Variants in SOD2 observed in about 807,000 individuals in gnomAD.
SOD2 encodes the protein superoxide dismutase 2.
In SOD2, 11 loss-of-function variants were observed where a neutral mutation model predicts 27.0. The observed-to-expected ratio is 0.41, with a 90% CI of 0.26 to 0.67. The LOEUF (loss-of-function observed/expected upper bound fraction) is 0.67. SOD2 is among the 30% of genes least tolerant of loss of function. The pLI, the probability that SOD2 is intolerant of heterozygous loss-of-function variation, is 0.34. For synonymous variants in SOD2, 105 were observed against 103.0 expected, an observed-to-expected ratio of 1.02 and a Z score of -0.12; for missense variants, 250 against 274.5, an observed-to-expected ratio of 0.91 and a Z score of 0.63.
chr6:159,688,062 T>C, intron 3 of SOD2, 64 bp downstream of exon 3: 1 of 917,246 alleles, frequency 1.1e-6, no homozygotes, highest in South Asian at 1.4e-5. Flanking sequence ...GTAACTTCAG[T>C]AAATCAACAA....
chr6:159,719,209 T>C (rs377745821), intron 1 of SOD2, among the ~76,000 whole-genome samples: 1 of 152,042 alleles, frequency 6.6e-6, no homozygotes, highest in South Asian at 2.1e-4. Flanking sequence ...GAGCTCTCTT[T>C]TCCTGTTTTC....
At chr6:159,693,292 G>T, upstream of SOD2, 1 of 756,212 alleles carries the variant, frequency 1.3e-6, no homozygotes, top group Non-Finnish European at 2.0e-6. Flanking sequence ...GAGCAGGGCC[G>T]CGACCCCAGC....
rs537957241 is a variant in SOD2, at chr6:159,679,470, C to T, written c.*3023G>A. Reference sequence around the variant, plus strand: ...TGGTTTGGTATTACTTTTTTAAAGGCGCTCAATAGAAATTCAAATCTCACT... The same window carrying T: ...TGGTTTGGTATTACTTTTTTAAAGGTGCTCAATAGAAATTCAAATCTCACT... On this transcript the variant is annotated 3_prime_UTR_variant, in exon 5 of 5. Coordinates refer to ENST00000538183, the MANE Select transcript of SOD2 (RefSeq NM_000636.4). 5 of 152,144 alleles carry T rather than the reference C, an allele frequency of 3.3e-5. No individual in the cohort carries two copies. In the East Asian group the frequency reaches 7.7e-4, roughly 23 times the overall value. The allele number at this position is 152,144 out of a possible 1,614,324, so 9.4% of individuals were successfully genotyped here. A position where few individuals can be genotyped will look rare whatever the true frequency, so the allele number is the denominator to read the frequency against.
At chr6:159,753,151 G>A (rs888710503) in intron 1 of SOD2, among the ~76,000 whole-genome samples, 3 of 152,068 alleles carry the variant, frequency 2.0e-5, no homozygotes, top group Non-Finnish European at 4.4e-5. Context: ...TAATTAACTG[G>A]CTCTGTTTCC....
intron 1 of SOD2, chr6:159,726,433 A>C: frequency 5.7e-6 from 1 of 175,036 alleles, no homozygotes; most frequent in South Asian, 9.0e-5. Context: ...TATCCTAATA[A>C]ATCACCTTAC....
At position 159,727,291 on chromosome 6, in the gene SOD2, G is replaced by C. The variant is rs1039645327; in HGVS notation, c.-278C>G. On this transcript the variant is annotated 5_prime_UTR_variant, in exon 1 of 3. Coordinates refer to the SOD2 transcript ENST00000401980. ...CTTTCCTCTCCTGGCGGGGTTCGGC[G>C]GCGGGCGAGTGACTGCGGCCACGCC... 9 of 1,282,380 alleles carry C rather than the reference G, an allele frequency of 7.0e-6. No individual in the cohort carries two copies. The East Asian group carries it at 4.7e-4, about 66-fold the overall frequency. The allele number at this position is 1,282,380 out of a possible 1,614,324, so 79.4% of individuals were successfully genotyped here. A position where few individuals can be genotyped will look rare whatever the true frequency, so the allele number is the denominator to read the frequency against.
chr6:159,695,391 A>G (rs889292043), upstream of SOD2, among the ~76,000 whole-genome samples: 4 of 152,202 alleles, frequency 2.6e-5, no homozygotes, highest in Non-Finnish European at 4.4e-5. Context: ...AGAATCTCCA[A>G]CATCACACCT....
chr6:159,736,364 A>G, intron 1 of SOD2: 3 of 1,240,640 alleles, frequency 2.4e-6, no homozygotes, highest in Admixed American at 4.0e-5. Flanking sequence ...AAGCACTTTA[A>G]AAAAAAATAG....
upstream of SOD2, among the ~76,000 whole-genome samples, chr6:159,693,581 C>T (rs1015617506): frequency 1.3e-5 from 2 of 152,344 alleles, no homozygotes; most frequent in Middle Eastern, 6.8e-3. Flanking sequence ...CCGGCTCCGC[C>T]CCTGAGGGTG....
intron 1 of SOD2, among the ~76,000 whole-genome samples, chr6:159,702,676 A>AAAAAAAAG (rs1554260556): frequency 2.1e-5 from 3 of 143,112 alleles, no homozygotes; most frequent in East Asian, 2.1e-4. Context: ...AAAAAAAAAA[A>AAAAAAAAG]AAAGAAAGAA....
chr6:159,693,230 A>G lies in SOD2; in HGVS notation c.-63T>C. The G allele has an allele frequency of 6.9e-7, 1 of 1,458,642 alleles. No individual in the cohort carries two copies. The highest frequency in any genetic ancestry group is 2.8e-5 in the East Asian group (1 of 35,178). The allele number at this position is 1,458,642 out of a possible 1,614,324, so 90.4% of individuals were successfully genotyped here. A position where few individuals can be genotyped will look rare whatever the true frequency, so the allele number is the denominator to read the frequency against. ...TGCTGAAGCCGCTGCCGAAGCCACCACAGCCACGAGTGCCGCTCCTGCGCC... is the reference window on the plus strand; with the variant it reads ...TGCTGAAGCCGCTGCCGAAGCCACCGCAGCCACGAGTGCCGCTCCTGCGCC... On this transcript the variant is annotated 5_prime_UTR_variant, in exon 1 of 5. Coordinates refer to ENST00000538183, the MANE Select transcript of SOD2 (RefSeq NM_000636.4).
intron 1 of SOD2, among the ~76,000 whole-genome samples, chr6:159,740,122 G>C (rs1453265083): frequency 6.6e-6 from 1 of 151,738 alleles, no homozygotes; most frequent in Non-Finnish European, 1.5e-5. Context: ...TGGGATTACA[G>C]GCATGGGCCA....
At chr6:159,685,153 C>T in intron 3 of SOD2, 120 bp from the exon 4 acceptor site, 1 of 465,568 alleles carries the variant, frequency 2.1e-6, no homozygotes, top group Non-Finnish European at 3.5e-6. Context: ...TAGACAACAT[C>T]AGAATGCGAC....
intron 1 of SOD2, 45 bp from the exon 2 acceptor site, chr6:159,692,908 C>T (rs892421711): frequency 6.7e-7 from 1 of 1,499,440 alleles, no homozygotes; most frequent in South Asian, 1.3e-5. Context: ...GCCGCGGGAC[C>T]GTCTACGCAG....
At chr6:159,730,478 C>T (rs1778499189), upstream of SOD2, among the ~76,000 whole-genome samples, 1 of 152,016 alleles carries the variant, frequency 6.6e-6, no homozygotes, top group Non-Finnish European at 1.5e-5. Context: ...TACCAAACTT[C>T]TCGGTACATT....
rs555390480 is a variant in SOD2 at position 159,737,943 on chromosome 6, CAAAT to C, written c.-116+7183_-116+7186del. ...ATAATTATAGATTCATAGGAAGTTGCAAATAAATGTACAGAGAGGTTCTGTGCAA... is the reference window on the plus strand; with the variant it reads ...ATAATTATAGATTCATAGGAAGTTGCAAATGTACAGAGAGGTTCTGTGCAA... On this transcript the variant is annotated intron_variant, in intron 1 of 3. Coordinates refer to the SOD2 transcript ENST00000537657. 3.1e-3 allele frequency among the ~76,000 whole-genome samples: 466 copies of C among 152,322 alleles called. 4 individuals carry two copies. The highest frequency in any genetic ancestry group is 0.01 in the Middle Eastern group (3 of 294).
intron 1 of SOD2, chr6:159,760,254 C>A (rs1780095407): frequency 6.6e-6 from 1 of 152,138 alleles, no homozygotes; most frequent in African/African-American, 2.4e-5. Flanking sequence ...TTCAATATGT[C>A]AAATTTGATG....
At chr6:159,690,284 CAAAAAAAAAAA>C (rs11429489) in intron 2 of SOD2, among the ~76,000 whole-genome samples, 39 of 67,038 alleles carry the variant, frequency 5.8e-4, no homozygotes, top group African/African-American at 1.9e-3. Context: ...GAGATTCCGT[CAAAAAAAAAAA>C]AAAAAAAAAA....
upstream of SOD2, among the ~76,000 whole-genome samples, chr6:159,746,583 T>C (rs1349771450): frequency 6.6e-6 from 1 of 152,198 alleles, no homozygotes; most frequent in African/African-American, 2.4e-5. Context: ...AGTACATCAG[T>C]AGTCAATTTA....
Sources: gnomAD v4.1 joint callset for allele counts (sites outside exome capture counted in the v4.1 genomes callset) on GRCh38, gnomAD v4.1.1 for gene constraint, MANE v1.5 for transcripts, NCBI Gene and HGNC (gene_info 2026-07-23, HGNC 2026-07-21) for gene names.